Variants in UTS2 observed in about 807,000 individuals in gnomAD.
UTS2 encodes urotensin 2, also known as urotensin-2.
UTS2 carries 10 observed loss-of-function variants against 12.6 expected under a neutral mutation model. The observed-to-expected ratio is 0.80, with a 90% CI of 0.49 to 1.35. The LOEUF (loss-of-function observed/expected upper bound fraction) is 1.35. Among genes scored for constraint, UTS2 ranks in the 40% most tolerant of loss-of-function variants. The pLI is 0.00. For missense variants in UTS2, 142 were observed against 143.2 expected, an observed-to-expected ratio of 0.99 and a Z score of 0.04; for synonymous variants, 52 against 50.0, an observed-to-expected ratio of 1.04 and a Z score of -0.17.
chr1:7,902,626 T>A, the UTS2 span, among the ~76,000 whole-genome samples: 1 of 152,152 alleles, frequency 6.6e-6, no homozygotes, highest in Non-Finnish European at 1.5e-5. Context: ...GGGGTCTCGC[T>A]ATGTTGGCCA....
chr1:7,912,157 T>C, the UTS2 span, among the ~76,000 whole-genome samples: 2 of 152,118 alleles, frequency 1.3e-5, no homozygotes, highest in African/African-American at 2.4e-5. Flanking sequence ...TTCTTCAAGA[T>C]AGATCCCTAG....
the UTS2 span, among the ~76,000 whole-genome samples, chr1:7,881,884 A>G: frequency 2.6e-5 from 4 of 152,230 alleles, no homozygotes; most frequent in African/African-American, 7.2e-5. Flanking sequence ...AAAACATCCT[A>G]TAAAGTTAGT....
chr1:7,862,743 T>G, the UTS2 span, among the ~76,000 whole-genome samples: 79,289 of 151,966 alleles, frequency 0.52, 22,014 homozygotes, highest in Middle Eastern at 0.68. Flanking sequence ...GGCATTCATC[T>G]ATTCATCGGG....
chr1:7,859,930 C>T, the UTS2 span, among the ~76,000 whole-genome samples: 5 of 151,942 alleles, frequency 3.3e-5, no homozygotes, highest in South Asian at 4.1e-4. Flanking sequence ...TCCCAGGAGG[C>T]GGAGGCTGCA....
chr1:7,904,723 G>A, the UTS2 span, among the ~76,000 whole-genome samples: 1 of 152,050 alleles, frequency 6.6e-6, no homozygotes, highest in South Asian at 2.1e-4. Flanking sequence ...TGGCCAACAT[G>A]GTGAAACCCT....
chr1:7,878,245 T>A, the UTS2 span, among the ~76,000 whole-genome samples: 1 of 152,182 alleles, frequency 6.6e-6, no homozygotes, highest in South Asian at 2.1e-4. Flanking sequence ...CTGAGGAAAT[T>A]TATCATCACT....
At chr1:7,859,851 T>C in the UTS2 span, among the ~76,000 whole-genome samples, 4 of 152,074 alleles carry the variant, frequency 2.6e-5, no homozygotes, top group Non-Finnish European at 5.9e-5. Flanking sequence ...TATGAAAAAT[T>C]AGCCAGGCAT....
At chr1:7,898,096 C>A in the UTS2 span, among the ~76,000 whole-genome samples, 1 of 152,122 alleles carries the variant, frequency 6.6e-6, no homozygotes, top group East Asian at 1.9e-4. Flanking sequence ...TACAACCATG[C>A]CATCTGCAAA....
chr1:7,876,349 CCACCAGCACTTGCA>C, the UTS2 span, among the ~76,000 whole-genome samples: 1 of 152,224 alleles, frequency 6.6e-6, no homozygotes, highest in Non-Finnish European at 1.5e-5. Flanking sequence ...CCACTTGCTA[CCACCAGCACTTGCA>C]CACACCTTTT....
the UTS2 span, among the ~76,000 whole-genome samples, chr1:7,862,121 C>T: frequency 5.3e-5 from 8 of 152,072 alleles, no homozygotes; most frequent in East Asian, 7.8e-4. Flanking sequence ...CCATGTTGGC[C>T]AGGCTGGTCT....
chr1:7,879,115 T>C, the UTS2 span, among the ~76,000 whole-genome samples: 1 of 151,922 alleles, frequency 6.6e-6, no homozygotes, highest in African/African-American at 2.4e-5. Context: ...AGACAGAAAA[T>C]CAACAAAGAA....
At chr1:7,892,479 T>G in the UTS2 span, among the ~76,000 whole-genome samples, 3 of 141,920 alleles carry the variant, frequency 2.1e-5, no homozygotes, top group African/African-American at 7.9e-5. Flanking sequence ...GTTTTTTTTT[T>G]TTTTTTTTTT....
At chr1:7,868,708 G>A in the UTS2 span, among the ~76,000 whole-genome samples, 1 of 152,240 alleles carries the variant, frequency 6.6e-6, no homozygotes, top group Admixed American at 6.5e-5. Flanking sequence ...TTATGAAGGT[G>A]TCCCAGGGCT....
the UTS2 span, among the ~76,000 whole-genome samples, chr1:7,885,344 C>A: frequency 6.6e-6 from 1 of 152,240 alleles, no homozygotes; most frequent in Non-Finnish European, 1.5e-5. Flanking sequence ...TAACCAACAT[C>A]TGGGTCGAGC....
chr1:7,855,148 C>T (rs1638280866), upstream of UTS2, among the ~76,000 whole-genome samples: 2 of 151,716 alleles, frequency 1.3e-5, no homozygotes, highest in African/African-American at 4.8e-5. Flanking sequence ...GTGGCAAGAG[C>T]AAAACTCCTT....
chr1:7,863,092 T>C, the UTS2 span, among the ~76,000 whole-genome samples: 1,622 of 120,286 alleles, frequency 0.013, 77 homozygotes, highest in African/African-American at 0.055. Context: ...TGTATTGTAT[T>C]GTATTGTATT....
chr1:7,880,420 G>C, the UTS2 span, among the ~76,000 whole-genome samples: 2 of 149,678 alleles, frequency 1.3e-5, no homozygotes, highest in Non-Finnish European at 3.0e-5. Flanking sequence ...GAGTGGGGTG[G>C]GGAGGGGGGA....
chr1:7,853,570 A>C, upstream of UTS2: 1 of 1,235,298 alleles, frequency 8.1e-7, no homozygotes, highest in Non-Finnish European at 1.1e-6. Context: ...ATACATAGCA[A>C]ACATTGCTCC....
At chr1:7,879,573 TCTACTAAA>T in the UTS2 span, among the ~76,000 whole-genome samples, 1 of 152,124 alleles carries the variant, frequency 6.6e-6, no homozygotes, top group Admixed American at 6.6e-5. Flanking sequence ...ACACCCCATC[TCTACTAAA>T]AATACAAAAA....
Sources: gnomAD v4.1 joint callset for allele counts (sites outside exome capture counted in the v4.1 genomes callset) on GRCh38, gnomAD v4.1.1 for gene constraint, MANE v1.5 for transcripts, NCBI Gene and HGNC (gene_info 2026-07-23, HGNC 2026-07-21) for gene names.